CSMD1: variants seen among roughly 807,000 people sequenced by gnomAD.
The protein encoded by CSMD1 is CUB and Sushi multiple domains 1.
In CSMD1, 213 loss-of-function variants were observed where a neutral mutation model predicts 417.5. The observed-to-expected ratio is 0.51, with a 90% CI of 0.46 to 0.57. The LOEUF (loss-of-function observed/expected upper bound fraction) is 0.57. Ranked by LOEUF, CSMD1 falls within the 20% of genes least tolerant of loss-of-function variation. CSMD1 has a pLI of 0.00. For missense variants in CSMD1, 6,923 were observed against 4,529.7 expected, an observed-to-expected ratio of 1.53 and a Z score of -15.17; for synonymous variants, 2,862 against 1,736.8, an observed-to-expected ratio of 1.65 and a Z score of -16.11.
intron 3 of CSMD1, among the ~76,000 whole-genome samples, chr8:4,049,911 G>A (rs1465568820): frequency 3.6e-5 from 1 of 27,470 alleles, no homozygotes; most frequent in Non-Finnish European, 5.7e-5. Flanking sequence ...TCTGTTTCAG[G>A]AATCCATTCG....
intron 2 of CSMD1, among the ~76,000 whole-genome samples, chr8:4,600,030 A>G (rs901834385): frequency 2.6e-5 from 4 of 152,200 alleles, no homozygotes; most frequent in African/African-American, 7.2e-5. Flanking sequence ...TTACCGCAGA[A>G]CAGATCAGTA....
chr8:3,128,794 C>T (rs1348145807), intron 41 of CSMD1: 9 of 427,424 alleles, frequency 2.1e-5, no homozygotes, highest in South Asian at 5.2e-5. Flanking sequence ...CATGTTGTTT[C>T]GAGTTTTTGT....
chr8:4,492,160 G>C (rs896497298), intron 2 of CSMD1, among the ~76,000 whole-genome samples: 5 of 152,116 alleles, frequency 3.3e-5, no homozygotes, highest in Non-Finnish European at 7.3e-5. Context: ...ACAGGAGTGC[G>C]ATCATAGTTC....
intron 1 of CSMD1, among the ~76,000 whole-genome samples, chr8:4,960,718 T>G (rs1251713661): frequency 6.6e-6 from 1 of 152,136 alleles, no homozygotes. Flanking sequence ...AGTCCGGTAG[T>G]TTCCTAAAAA....
chr8:3,830,378 G>T (rs1170273226), intron 5 of CSMD1, among the ~76,000 whole-genome samples: 1 of 152,182 alleles, frequency 6.6e-6, no homozygotes, highest in Non-Finnish European at 1.5e-5. Flanking sequence ...TTCCCTCAAG[G>T]AGACGTTACC....
intron 3 of CSMD1, among the ~76,000 whole-genome samples, chr8:4,221,082 A>G (rs1418371298): frequency 6.6e-6 from 1 of 152,162 alleles, no homozygotes; most frequent in Non-Finnish European, 1.5e-5. Context: ...TGGGGAAATC[A>G]CTTCATTTAA....
intron 3 of CSMD1, among the ~76,000 whole-genome samples, chr8:4,403,589 G>C (rs1400748990): frequency 6.6e-6 from 1 of 152,140 alleles, no homozygotes; most frequent in African/African-American, 2.4e-5. Flanking sequence ...TTCTAGGACA[G>C]TACACACTCC....
At chr8:3,404,303 C>G (rs1044591725) in intron 15 of CSMD1, among the ~76,000 whole-genome samples, 1 of 149,764 alleles carries the variant, frequency 6.7e-6, no homozygotes, top group Non-Finnish European at 1.5e-5. Flanking sequence ...CCACTGCACT[C>G]CAGCCTGGGT....
intron 5 of CSMD1, among the ~76,000 whole-genome samples, chr8:3,968,943 A>T (rs1230905814): frequency 6.6e-6 from 1 of 152,020 alleles, no homozygotes; most frequent in African/African-American, 2.4e-5. Flanking sequence ...GAAACCGACT[A>T]CTCTTCTTTA....
intron 41 of CSMD1, among the ~76,000 whole-genome samples, chr8:3,124,320 T>C (rs915074036): frequency 2.6e-5 from 4 of 152,214 alleles, no homozygotes; most frequent in African/African-American, 7.2e-5. Flanking sequence ...TAGATGATTG[T>C]ATAAAAGAAT....
At chr8:3,728,157 A>C (rs1046267035) in intron 6 of CSMD1, among the ~76,000 whole-genome samples, 4 of 152,180 alleles carry the variant, frequency 2.6e-5, no homozygotes, top group Non-Finnish European at 5.9e-5. Context: ...TAAATGAATC[A>C]TGGGTGCTGT....
chr8:4,075,753 C>G (rs1438750085), intron 3 of CSMD1, among the ~76,000 whole-genome samples: 1 of 152,064 alleles, frequency 6.6e-6, no homozygotes, highest in Non-Finnish European at 1.5e-5. Flanking sequence ...GTGTCCCTTT[C>G]AGAATTTTTC....
intron 3 of CSMD1, among the ~76,000 whole-genome samples, chr8:4,043,273 A>C (rs1797985418): frequency 6.6e-6 from 1 of 152,216 alleles, no homozygotes; most frequent in Non-Finnish European, 1.5e-5. Context: ...GATAAAACGA[A>C]TCACAGAAAG....
intron 1 of CSMD1, among the ~76,000 whole-genome samples, chr8:4,841,414 A>G (rs1800828259): frequency 6.6e-6 from 1 of 152,142 alleles, no homozygotes; most frequent in South Asian, 2.1e-4. Context: ...TTTTTATTCT[A>G]AAAATATAAC....
At chr8:4,148,614 T>C (rs984133503) in intron 3 of CSMD1, among the ~76,000 whole-genome samples, 2 of 152,116 alleles carry the variant, frequency 1.3e-5, no homozygotes, top group African/African-American at 2.4e-5. Context: ...GCCTTGTGTG[T>C]AGACAGTAGC....
chr8:4,276,710 C>T (rs1484731672), intron 3 of CSMD1, among the ~76,000 whole-genome samples: 1 of 151,942 alleles, frequency 6.6e-6, no homozygotes, highest in African/African-American at 2.4e-5. Flanking sequence ...CAGTGGGATC[C>T]CAATTTTAAT....
intron 2 of CSMD1, among the ~76,000 whole-genome samples, chr8:4,604,588 T>G (rs1459635316): frequency 1.3e-5 from 2 of 152,132 alleles, no homozygotes; most frequent in Non-Finnish European, 2.9e-5. Flanking sequence ...ACAGAATACC[T>G]AGCTTAAAAA....
At chr8:3,196,716 C>G (rs373860903) in intron 33 of CSMD1, among the ~76,000 whole-genome samples, 2 of 152,172 alleles carry the variant, frequency 1.3e-5, no homozygotes, top group African/African-American at 4.8e-5. Context: ...GCAAACAGTG[C>G]TCCATAATCA....
intron 8 of CSMD1, among the ~76,000 whole-genome samples, chr8:3,612,714 G>T (rs1030261536): frequency 8.5e-5 from 13 of 152,072 alleles, no homozygotes; most frequent in African/African-American, 2.9e-4. Context: ...AAAATAGAAT[G>T]TAATTCAAGC....
Sources: allele counts gnomAD v4.1 joint callset (sites outside exome capture counted in the v4.1 genomes callset), GRCh38; gene constraint gnomAD v4.1.1; transcripts MANE v1.5; gene names NCBI Gene and HGNC (gene_info 2026-07-23, HGNC 2026-07-21).